Variants in ITGAE observed in about 807,000 individuals in gnomAD.
The protein encoded by ITGAE is integrin subunit alpha E.
ITGAE carries 99 observed loss-of-function variants against 136.5 expected under a neutral mutation model. The observed-to-expected ratio is 0.73, with a 90% CI of 0.62 to 0.86. The LOEUF is 0.86. ITGAE is among the 40% of genes least tolerant of loss of function. The probability of loss-of-function intolerance (pLI) is 0.00; values close to 1 mark genes in which losing one functional copy is unlikely to be tolerated. For missense variants in ITGAE, 1,447 were observed against 1,515.3 expected, an observed-to-expected ratio of 0.95 and a Z score of 0.75; for synonymous variants, 613 against 591.8, an observed-to-expected ratio of 1.04 and a Z score of -0.52.
chr17:3,788,584 G>A (rs1004475643), intron 1 of ITGAE, among the ~76,000 whole-genome samples: 8 of 150,060 alleles, frequency 5.3e-5, no homozygotes, highest in Non-Finnish European at 8.9e-5. Flanking sequence ...ACAGGTGTGA[G>A]CCACTGTGCC....
Position 3,755,155 on chromosome 17 carries a change from G to A in ITGAE, c.1346C>T (p.Ala449Val), listed in dbSNP as rs1334084867. ...CTGCGCAGCCTCCGCGTCTGCCGCC[G>A]CCGCCGCTGTCTGGTTCAGGAAGCG... ...RGRFLNQTAA[A>V]AADAEAAQYS... The change falls in exon 12 of 31, where the codon GCG becomes GTG. Residue 449 changes from alanine (A) to valine (V), a missense_variant. This residue lies in a region of ITGAE where 1,031 missense variants were observed against 1,011.4 expected (regional missense o/e 1.02). Coordinates refer to ENST00000263087, the MANE Select transcript of ITGAE (RefSeq NM_002208.5). 12 of 1,502,696 alleles carry A rather than the reference G, an allele frequency of 8.0e-6. No individual in the cohort carries two copies. The highest frequency in any genetic ancestry group is 2.9e-5 in the African/African-American group (2 of 69,294). 93.1% of individuals were successfully genotyped at this position (1,502,696 alleles called of 1,614,324 possible). A position where few individuals can be genotyped will look rare whatever the true frequency, so the allele number is the denominator to read the frequency against.
At chr17:3,770,284 T>TA (rs1157550788) in intron 2 of ITGAE, among the ~76,000 whole-genome samples, 1 of 150,332 alleles carries the variant, frequency 6.7e-6, no homozygotes, top group African/African-American at 2.4e-5. Context: ...CATGCCCAGC[T>TA]AAATTTTTTT....
At chr17:3,754,595 CTG>C in intron 12 of ITGAE, 1 of 53,072 alleles carries the variant, frequency 1.9e-5, no homozygotes, top group Non-Finnish European at 3.8e-5. Context: ...TGGGTGGCTG[CTG>C]TGCCTGGTGT....
At chr17:3,797,614 C>T (rs534535604) in intron 1 of ITGAE, among the ~76,000 whole-genome samples, 22 of 152,098 alleles carry the variant, frequency 1.4e-4, no homozygotes, top group Non-Finnish European at 2.9e-4. Context: ...GTGCGCACCA[C>T]CATGCCTGGC....
chr17:3,725,146 G>T, intron 26 of ITGAE: 1 of 1,614,172 alleles, frequency 6.2e-7, no homozygotes, highest in Non-Finnish European at 8.5e-7. Flanking sequence ...GAGGTCTGCA[G>T]CATCTATACC....
At chr17:3,760,332 A>G in intron 6 of ITGAE, 45 bp from the exon 7 acceptor site, 1 of 1,141,286 alleles carries the variant, frequency 8.8e-7, no homozygotes. Context: ...GATGTGAGGC[A>G]GATGTAAGGG....
chr17:3,718,974 G>A (rs866313067), intron 29 of ITGAE, among the ~76,000 whole-genome samples: 4 of 152,140 alleles, frequency 2.6e-5, no homozygotes, highest in African/African-American at 7.2e-5. Context: ...GCTCATGCCT[G>A]TAATCCCAGC....
At chr17:3,791,774 G>A (rs896543193) in intron 1 of ITGAE, among the ~76,000 whole-genome samples, 5 of 152,178 alleles carry the variant, frequency 3.3e-5, no homozygotes, top group African/African-American at 1.2e-4. Context: ...CAAGCTCCCA[G>A]ACGATGCTCT....
chr17:3,756,878 G>T, intron 10 of ITGAE, 106 bp downstream of exon 10: 1 of 1,217,036 alleles, frequency 8.2e-7, no homozygotes, highest in East Asian at 2.4e-5. Context: ...TGAGGTTCAG[G>T]GAGATGATGG....
rs139588160 is a variant in ITGAE, at chr17:3,747,403, C to T, written c.2155+519G>A. Among the ~76,000 whole-genome samples the T allele has an allele frequency of 4.5e-3, 690 of 152,180 alleles. 6 individuals are homozygous for T. The highest frequency in any genetic ancestry group is 0.015 in the African/African-American group (640 of 41,530). On this transcript the variant is annotated intron_variant, in intron 17 of 30. Transcript: ENST00000263087. ...TGCGATCTCAGCTCACTGCAAGCTC[C>T]GTCTCCTGGGTTCATGCTATTCTCC...
intron 28 of ITGAE, chr17:3,722,613 T>C (rs2051079636): frequency 1.3e-5 from 2 of 152,688 alleles, no homozygotes; most frequent in Non-Finnish European, 2.9e-5. Context: ...AGAATAATGC[T>C]GTACTGGCGA....
intron 7 of ITGAE, among the ~76,000 whole-genome samples, chr17:3,759,914 A>T (rs1412019679): frequency 3.9e-5 from 6 of 152,170 alleles, no homozygotes; most frequent in African/African-American, 1.2e-4. Flanking sequence ...GCTGCCACGA[A>T]AAAGTTGGGC....
At position 3,728,152 on chromosome 17, in the gene ITGAE, C is replaced by T. The variant is rs764888812; in HGVS notation, c.2929G>A (p.Val977Met). 7.3e-5 allele frequency: 117 copies of T among 1,613,046 alleles called. No homozygotes were observed. Among genetic ancestry groups the T allele is most frequent in the Non-Finnish European group, 9.2e-5 (109 of 1,179,028 alleles). ...TGAGAAAGCCCCTGGCCTGTGTTCA[C>T]GTACATTATGGATGGTCTGCAATTG... ...AVLSKPSIMY[V>M]NTGQGLSHHK... The change falls in exon 25 of 31, where the codon GTG becomes ATG. Residue 977 changes from valine (V) to methionine (M), a missense_variant. Physicochemically the swap from Val to Met is conservative, Grantham distance 21. Around this residue, in one of 3 missense-constraint regions of ITGAE, gnomAD observed 1,031 missense variants for 1,011.4 expected, o/e 1.02. Transcript: ENST00000263087.
chr17:3,727,809 C>T, intron 26 of ITGAE, 110 bp downstream of exon 26: 1 of 736,316 alleles, frequency 1.4e-6, no homozygotes, highest in Non-Finnish European at 2.4e-6. Flanking sequence ...CTAATCTTTT[C>T]CCATGGTTAA....
chr17:3,727,919 C>G lies in ITGAE; in HGVS notation c.3084G>C (p.Gln1028His). 4 of 1,600,698 alleles carry G rather than the reference C, an allele frequency of 2.5e-6. No individual in the cohort carries two copies. Among genetic ancestry groups the G allele is most frequent in the Non-Finnish European group, 3.4e-6 (4 of 1,167,960 alleles). Residue 1028 changes from glutamine to histidine, a missense_variant and splice_region_variant, in exon 26 of 31, where the codon CAG becomes CAC. By Grantham distance (24) the Gln-to-His change is conservative (BLOSUM62 0). Coordinates refer to ENST00000263087, the MANE Select transcript of ITGAE (RefSeq NM_002208.5). The stretch of plus-strand genomic sequence containing the variant: ...CTGATAAAGAACTGCCTTTAAATAC[C>G]TGAGTCCTCGTCAGCTTCTTCACTG... ...VVAVKKLTRT[Q>H]ASTVCTWSQE...
chr17:3,775,779 T>G (rs1380020335), intron 2 of ITGAE, among the ~76,000 whole-genome samples: 1 of 151,258 alleles, frequency 6.6e-6, no homozygotes, highest in Non-Finnish European at 1.5e-5. Flanking sequence ...ACACAAACAT[T>G]TTTATATGTG....
chr17:3,724,170 C>G (rs2051145361), intron 26 of ITGAE: 16 of 1,592,882 alleles, frequency 1.0e-5, no homozygotes, highest in Non-Finnish European at 1.3e-5. Flanking sequence ...GGTGAGGCGG[C>G]GGCGGAGGCG....
intron 2 of ITGAE, among the ~76,000 whole-genome samples, chr17:3,768,336 G>A (rs561041391): frequency 1.3e-5 from 2 of 152,056 alleles, no homozygotes; most frequent in African/African-American, 2.4e-5. Context: ...TGTTGCCCAG[G>A]CTAGTCTCGA....
intron 28 of ITGAE, chr17:3,722,479 T>TAA (rs1161669258): frequency 6.6e-5 from 7 of 106,864 alleles, no homozygotes; most frequent in South Asian, 6.3e-4. Flanking sequence ...AGACTCCATC[T>TAA]AAAAAAAAAA....
Sources: gnomAD v4.1 joint callset for allele counts (sites outside exome capture counted in the v4.1 genomes callset) on GRCh38, gnomAD v4.1.1 for gene constraint, gnomAD v4.1.1 regional missense constraint, MANE v1.5 for transcripts, NCBI Gene and HGNC (gene_info 2026-07-23, HGNC 2026-07-21) for gene names.